The following KCNAB1 variants were observed in gnomAD, a reference collection of about 807,000 sequenced individuals.
The protein encoded by KCNAB1 is voltage-gated potassium channel subunit beta-1.
A neutral mutation model predicts 64.6 loss-of-function variants in KCNAB1; 35 were observed. The ratio of observed to expected loss-of-function variants is 0.54; its 90% CI spans 0.41 to 0.72. The LOEUF (loss-of-function observed/expected upper bound fraction) is 0.72. Among genes scored for constraint, KCNAB1 ranks in the 30% least tolerant of loss-of-function variants. The pLI is 0.00. For missense variants in KCNAB1, 401 were observed against 512.9 expected, an observed-to-expected ratio of 0.78 and a Z score of 2.11; for synonymous variants, 177 against 183.8, an observed-to-expected ratio of 0.96 and a Z score of 0.30.
In KCNAB1 at chr3:156,313,768, T is replaced by G. The variant is rs555966511; in HGVS notation, c.276-107848T>G. Among the ~76,000 whole-genome samples the G allele has an allele frequency of 7.9e-5, 12 of 152,346 alleles. No homozygotes were observed. The South Asian group carries it at 2.5e-3, about 32-fold the overall frequency. ...TTGTTTTAAGCCACTGTTTTTGTGA[T>G]AATTTGTGATAGCAGCAATAGGAAA... On this transcript the variant is annotated intron_variant, in intron 1 of 13. Coordinates refer to ENST00000490337, the MANE Select transcript of KCNAB1 (RefSeq NM_172160.3).
chr3:156,141,051 G>A (rs1049075342), intron 1 of KCNAB1, among the ~76,000 whole-genome samples: 16 of 151,644 alleles, frequency 1.1e-4, no homozygotes, highest in Non-Finnish European at 1.8e-4. Context: ...TATGTGAGGA[G>A]TTTCTTTGCT....
intron 1 of KCNAB1, chr3:156,290,934 A>G (rs1720365552): frequency 2.0e-6 from 2 of 977,236 alleles, no homozygotes; most frequent in Non-Finnish European, 2.4e-6. Flanking sequence ...AAGGCTAATA[A>G]CAGGGATTTC....
chr3:156,506,229 A>T (rs1716825940), intron 8 of KCNAB1, among the ~76,000 whole-genome samples: 2 of 152,092 alleles, frequency 1.3e-5, no homozygotes, highest in South Asian at 4.1e-4. Flanking sequence ...TCTCTTTTTA[A>T]CTCATTTATT....
At chr3:156,421,740 G>A in intron 2 of KCNAB1, 81 bp downstream of exon 2, 1 of 1,246,324 alleles carries the variant, frequency 8.0e-7, no homozygotes, top group Non-Finnish European at 1.2e-6. Flanking sequence ...TGTGGTCTAG[G>A]CCAGGACCTG....
chr3:156,146,446 A>G (rs1715043950), intron 1 of KCNAB1, among the ~76,000 whole-genome samples: 1 of 152,228 alleles, frequency 6.6e-6, no homozygotes, highest in Non-Finnish European at 1.5e-5. Flanking sequence ...ACTGAGGAGT[A>G]GTTTTATGAG....
intron 1 of KCNAB1, among the ~76,000 whole-genome samples, chr3:156,126,707 G>A (rs887608083): frequency 6.6e-6 from 1 of 152,170 alleles, no homozygotes; most frequent in Non-Finnish European, 1.5e-5. Context: ...ACAGATCCTG[G>A]AGCTAGGCTG....
At chr3:156,411,126 C>A (rs1288832436) in intron 1 of KCNAB1, among the ~76,000 whole-genome samples, 2 of 152,080 alleles carry the variant, frequency 1.3e-5, no homozygotes, top group African/African-American at 2.4e-5. Context: ...TGTTTGTTAT[C>A]TTACACTTTC....
intron 4 of KCNAB1, among the ~76,000 whole-genome samples, chr3:156,459,586 G>T (rs991902250): frequency 2.6e-5 from 4 of 151,962 alleles, no homozygotes; most frequent in African/African-American, 9.7e-5. Flanking sequence ...TTAGTATCAG[G>T]ACTGCAGGCG....
chr3:156,119,274 T>G (rs143184479), upstream of KCNAB1, among the ~76,000 whole-genome samples: 1,457 of 152,232 alleles, frequency 9.6e-3, 25 homozygotes, highest in African/African-American at 0.031. Context: ...AAGACAGCAG[T>G]AGATGACTTG....
At chr3:156,457,266 G>A in intron 3 of KCNAB1, 187 bp from the exon 4 acceptor site, 1 of 1,395,078 alleles carries the variant, frequency 7.2e-7, no homozygotes, top group Non-Finnish European at 9.3e-7. Flanking sequence ...TATGTCTGAA[G>A]GAAAGAATAC....
intron 1 of KCNAB1, among the ~76,000 whole-genome samples, chr3:156,230,827 G>C (rs546395861): frequency 1.3e-5 from 2 of 152,190 alleles, no homozygotes; most frequent in African/African-American, 2.4e-5. Context: ...TATCTTCTGT[G>C]TGTATATATC....
At chr3:156,465,355 T>C (rs1713284060) in intron 6 of KCNAB1, among the ~76,000 whole-genome samples, 1 of 152,186 alleles carries the variant, frequency 6.6e-6, no homozygotes, top group Non-Finnish European at 1.5e-5. Context: ...GGTCGTACAG[T>C]GTCTTGAGTT....
intron 1 of KCNAB1, among the ~76,000 whole-genome samples, chr3:156,398,462 G>A (rs1164834403): frequency 6.6e-6 from 1 of 151,920 alleles, no homozygotes; most frequent in African/African-American, 2.4e-5. Context: ...CGAGGTGGCG[G>A]GTGCCTGTAT....
chr3:156,400,127 A>G (rs1463194468), intron 1 of KCNAB1, among the ~76,000 whole-genome samples: 1 of 152,090 alleles, frequency 6.6e-6, no homozygotes, highest in Admixed American at 6.5e-5. Flanking sequence ...CCTAGGGGGG[A>G]AAGTAAGATA....
intron 8 of KCNAB1, among the ~76,000 whole-genome samples, chr3:156,510,751 G>T (rs1453811827): frequency 6.6e-6 from 1 of 152,090 alleles, no homozygotes; most frequent in Non-Finnish European, 1.5e-5. Context: ...CACTGTTTGG[G>T]GCTGTTCTGA....
intron 1 of KCNAB1, among the ~76,000 whole-genome samples, chr3:156,253,510 T>G (rs1211557133): frequency 6.6e-6 from 1 of 152,242 alleles, no homozygotes; most frequent in Non-Finnish European, 1.5e-5. Context: ...GATTACCATT[T>G]TGTGAAGACA....
intron 1 of KCNAB1, among the ~76,000 whole-genome samples, chr3:156,378,659 C>T (rs577257956): frequency 6.6e-6 from 1 of 152,292 alleles, no homozygotes; most frequent in East Asian, 1.9e-4. Context: ...GCACTCACTT[C>T]ATCTCCCCAG....
At chr3:156,340,375 C>T (rs1211265673) in intron 1 of KCNAB1, among the ~76,000 whole-genome samples, 1 of 152,188 alleles carries the variant, frequency 6.6e-6, no homozygotes, top group Non-Finnish European at 1.5e-5. Flanking sequence ...CACCTCTCTT[C>T]GAGTGGGAGG....
chr3:156,140,509 A>G (rs1202397956), intron 1 of KCNAB1, among the ~76,000 whole-genome samples: 1 of 152,110 alleles, frequency 6.6e-6, no homozygotes, highest in African/African-American at 2.4e-5. Context: ...GCCTCTTCTT[A>G]TAAGGGCATT....
Sources: allele counts gnomAD v4.1 joint callset (sites outside exome capture counted in the v4.1 genomes callset), GRCh38; gene constraint gnomAD v4.1.1; transcripts MANE v1.5; gene names NCBI Gene and HGNC (gene_info 2026-07-23, HGNC 2026-07-21).